ACAD11: variants seen among roughly 807,000 people sequenced by gnomAD.
ACAD11 encodes acyl-Coenzyme A dehydrogenase family, member 11.
A neutral mutation model predicts 102.2 loss-of-function variants in ACAD11; 83 were observed. That is an observed-to-expected ratio of 0.81 (90% CI 0.68 to 0.97). The LOEUF (loss-of-function observed/expected upper bound fraction) is 0.97, where lower values mean the gene tolerates loss of function less well. Ranked by LOEUF, ACAD11 falls within the 50% of genes least tolerant of loss-of-function variation. The pLI is 0.00. For missense variants in ACAD11, 901 were observed against 951.7 expected (o/e 0.95, Z 0.70); for synonymous variants, 324 against 319.8 (o/e 1.01, Z -0.14).
chr3:132,618,777 C>T lies in ACAD11; in HGVS notation c.1276-5G>A. 2 of 1,581,890 alleles carry T rather than the reference C, an allele frequency of 1.3e-6. No homozygotes were observed. Among genetic ancestry groups the T allele is most frequent in the Middle Eastern group, 1.7e-4 (1 of 5,940 alleles). On this transcript the variant is annotated splice_region_variant and splice_polypyrimidine_tract_variant and intron_variant, in intron 10 of 19. Transcript: ENST00000264990. ...ACCCTCGACTTTGGCCATTTCCTGT[C>T]AAGGTGATGAACATGCCAGAGTGAC...
intron 11 of ACAD11, among the ~76,000 whole-genome samples, chr3:132,612,659 A>T (rs1939208758): frequency 6.6e-6 from 1 of 152,080 alleles, no homozygotes; most frequent in Admixed American, 6.5e-5. Context: ...AGAAATGCAA[A>T]TCAAAACCAC....
Position 132,579,654 on chromosome 3 carries a change from A to G in ACAD11, c.1622-96T>C, listed in dbSNP as rs1010616242. On this transcript the variant is annotated intron_variant, in intron 13 of 19. Transcript: ENST00000264990. ...TAATCCTTCCCACTTTACCTATGTC[A>G]GAAAACAAATAGAGAGAACATTCCT... 16 of 915,562 alleles carry G rather than the reference A, an allele frequency of 1.7e-5. No individual in the cohort carries two copies. In the African/African-American group the frequency reaches 1.8e-4, roughly 10 times the overall value. 56.7% of individuals were successfully genotyped at this position (915,562 alleles called of 1,614,324 possible).
chr3:132,583,491 A>C (rs1261808593), intron 13 of ACAD11, among the ~76,000 whole-genome samples: 1 of 152,110 alleles, frequency 6.6e-6, no homozygotes, highest in Non-Finnish European at 1.5e-5. Context: ...TGATCTTTTC[A>C]AAAAACCAGC....
chr3:132,564,050 C>T (rs1227466832), intron 17 of ACAD11, among the ~76,000 whole-genome samples: 1 of 152,026 alleles, frequency 6.6e-6, no homozygotes, highest in Non-Finnish European at 1.5e-5. Context: ...AATGTTCATG[C>T]AGTTTTTGCT....
rs373467780 is a variant in ACAD11, at chr3:132,559,054, C to G, written c.2260G>C (p.Asp754His). 3 of 1,613,646 alleles carry G rather than the reference C, an allele frequency of 1.9e-6. No individual in the cohort carries two copies. In the African/African-American group the frequency reaches 4.0e-5, roughly 22 times the overall value. ...YAITRVLRLA[D>H]GPDEVHLSAI... ...GAAAGATGAACTTCGTCAGGTCCAT[C>G]TGCTAAACGCAAAACTCGGGTTATA... Residue 754 changes from aspartate (D) to histidine (H), a missense_variant, in exon 20 of 20, where the codon GAT becomes CAT. Transcript: ENST00000264990.
intron 2 of ACAD11, among the ~76,000 whole-genome samples, chr3:132,644,515 G>A (rs901710811): frequency 6.6e-6 from 1 of 151,898 alleles, no homozygotes; most frequent in Non-Finnish European, 1.5e-5. Context: ...AATATTCATT[G>A]GCTGATTTTA....
chr3:132,623,154 A>G (rs528531073), intron 9 of ACAD11, among the ~76,000 whole-genome samples: 1 of 152,308 alleles, frequency 6.6e-6, no homozygotes, highest in Admixed American at 6.5e-5. Context: ...TCAAAAGGTC[A>G]TTAGAATAGT....
intron 11 of ACAD11, among the ~76,000 whole-genome samples, chr3:132,610,106 G>A (rs74682779): frequency 2.4e-3 from 367 of 152,134 alleles, no homozygotes; most frequent in Middle Eastern, 6.8e-3. Context: ...CAATAAACTC[G>A]GTATTGATAG....
intron 17 of ACAD11, among the ~76,000 whole-genome samples, chr3:132,575,010 GT>G (rs112599628): frequency 1.3e-5 from 2 of 149,860 alleles, no homozygotes; most frequent in African/African-American, 2.5e-5. Context: ...AATTTTTTTT[GT>G]TTTTTTTTGT....
intron 2 of ACAD11, among the ~76,000 whole-genome samples, chr3:132,643,633 G>A (rs570214772): frequency 2.0e-5 from 3 of 152,192 alleles, no homozygotes; most frequent in Non-Finnish European, 4.4e-5. Context: ...ATAACTGGAA[G>A]AGGAAAGTAA....
intron 17 of ACAD11, among the ~76,000 whole-genome samples, chr3:132,570,600 C>A (rs575235568): frequency 6.6e-6 from 1 of 151,902 alleles, no homozygotes; most frequent in Non-Finnish European, 1.5e-5. Context: ...CAGATTATTT[C>A]GTCACTCAGG....
chr3:132,593,199 A>G (rs1177716886), intron 13 of ACAD11, among the ~76,000 whole-genome samples: 1 of 152,052 alleles, frequency 6.6e-6, no homozygotes, highest in Non-Finnish European at 1.5e-5. Flanking sequence ...ATTAGAAAAT[A>G]AAATTTAAAA....
intron 9 of ACAD11, chr3:132,621,004 G>C (rs1187630374): frequency 6.6e-6 from 1 of 152,136 alleles, no homozygotes; most frequent in African/African-American, 2.4e-5. Context: ...ATGATGCACA[G>C]AAACTCAAAA....
intron 13 of ACAD11, 21 bp downstream of exon 13, chr3:132,603,205 GAAA>G: frequency 1.3e-6 from 2 of 1,588,218 alleles, no homozygotes; most frequent in South Asian, 2.2e-5. Context: ...TGTGTTAGGT[GAAA>G]AAATTAGGCT....
At chr3:132,590,593 A>C (rs895470893) in intron 13 of ACAD11, among the ~76,000 whole-genome samples, 1 of 152,126 alleles carries the variant, frequency 6.6e-6, no homozygotes, top group Non-Finnish European at 1.5e-5. Flanking sequence ...ACTGCTTTCC[A>C]CAATGGTTGA....
Position 132,559,883 on chromosome 3 carries a change from G to T in ACAD11, c.2178C>A (p.Ile726=), listed in dbSNP as rs772683533. 10 of 1,613,568 alleles carry T rather than the reference G, an allele frequency of 6.2e-6. No individual in the cohort carries two copies. In the African/African-American group the frequency reaches 1.3e-4, roughly 22 times the overall value. ...RAVSKIVDWA[I]QVCGGAGVSQ... ...AAACACCAGCACCTCCGCACACCTGGATGGCCCAGTCAACGATTTTGCTGA... is the reference window on the plus strand; with the variant it reads ...AAACACCAGCACCTCCGCACACCTGTATGGCCCAGTCAACGATTTTGCTGA... The change falls in exon 19 of 20, where the codon ATC becomes ATA. Residue 726 remains isoleucine, a synonymous_variant. Coordinates refer to ENST00000264990, the MANE Select transcript of ACAD11 (RefSeq NM_032169.5).
intron 16 of ACAD11, among the ~76,000 whole-genome samples, chr3:132,576,592 A>C (rs1164057174): frequency 6.6e-6 from 1 of 152,212 alleles, no homozygotes; most frequent in Non-Finnish European, 1.5e-5. Flanking sequence ...TATAATTTTC[A>C]TATTATCTTT....
intron 11 of ACAD11, 179 bp downstream of exon 11, chr3:132,618,455 A>G: frequency 1.7e-6 from 1 of 589,288 alleles, no homozygotes; most frequent in Non-Finnish European, 2.7e-6. Context: ...ACAAAAGAAT[A>G]GTCCAATGAA....
At chr3:132,560,030 C>T (rs1325064315) in intron 18 of ACAD11, 88 bp from the exon 19 acceptor site, 2 of 1,014,684 alleles carry the variant, frequency 2.0e-6, no homozygotes, top group Non-Finnish European at 2.9e-6. Flanking sequence ...GAAACTTTCC[C>T]ACATCCAAGT....
Sources: allele counts gnomAD v4.1 joint callset (sites outside exome capture counted in the v4.1 genomes callset), GRCh38; gene constraint gnomAD v4.1.1; transcripts MANE v1.5; gene names NCBI Gene and HGNC (gene_info 2026-07-23, HGNC 2026-07-21).